The following DDX23 variants were observed in gnomAD, a reference collection of about 807,000 sequenced individuals.
DDX23 encodes the protein DEAD-box helicase 23.
A neutral mutation model predicts 102.7 loss-of-function variants in DDX23; 33 were observed. The observed-to-expected ratio is 0.32, with a 90% CI of 0.24 to 0.43. DDX23 has a LOEUF of 0.43. Among genes scored for constraint, DDX23 ranks in the 20% least tolerant of loss-of-function variants. The pLI, the probability that DDX23 is intolerant of heterozygous loss-of-function variation, is 1.00. For missense variants in DDX23, 549 were observed against 1,086.6 expected (o/e 0.51, Z 6.96); for synonymous variants, 352 against 376.0 (o/e 0.94, Z 0.74).
rs919650570 is a variant in DDX23 at position 48,832,309 on chromosome 12, C to T, written c.1955+113G>A. The T allele has an allele frequency of 1.3e-6, 2 of 1,553,028 alleles. No homozygotes were observed. The highest frequency in any genetic ancestry group is 1.4e-5 in the African/African-American group (1 of 73,534). On this transcript the variant is annotated intron_variant, in intron 14 of 16. Coordinates refer to ENST00000308025, the MANE Select transcript of DDX23 (RefSeq NM_004818.3). This position sits in a 1 kb window ranked among gnomAD's most constrained non-coding sequence, Gnocchi z 4.4. ...GCCCATGACATTCTGCCCAAGAAAA[C>T]AGCAGCTCTTCAACACAGCAGAGCA...
intron 2 of DDX23, 29 bp downstream of exon 2, chr12:48,845,545 C>T (rs1224117621): frequency 6.2e-7 from 1 of 1,612,676 alleles, no homozygotes; most frequent in South Asian, 1.1e-5. Flanking sequence ...CTCTCCCTTC[C>T]CATGTAATAA....
rs1481205562 is a variant in DDX23 at position 48,830,285 on chromosome 12, T to C, written c.*184A>G. 4 of 758,104 alleles carry C rather than the reference T, an allele frequency of 5.3e-6. No homozygotes were observed. The highest frequency in any genetic ancestry group is 9.2e-6 in the Non-Finnish European group (4 of 435,444). The allele number at this position is 758,104 out of a possible 1,614,324, so 47.0% of individuals were successfully genotyped here. The stretch of plus-strand genomic sequence containing the variant: ...GCTCTCCCTGCCTCCGACAGCGTCG[T>C]CCTCTCCTTTTGCAGCCCCACACGC... On this transcript the variant is annotated 3_prime_UTR_variant, in exon 17 of 17. Transcript: ENST00000308025. The surrounding 1 kb of genome is among the most constrained non-coding windows in gnomAD (Gnocchi z 4.9).
chr12:48,837,914 A>G (rs368333111), intron 6 of DDX23, 28 bp downstream of exon 6: 2 of 1,611,818 alleles, frequency 1.2e-6, no homozygotes, highest in Non-Finnish European at 1.7e-6. Flanking sequence ...TCTTCCATCT[A>G]GGGGCTACAC....
chr12:48,831,137 C>T lies in DDX23; in HGVS notation c.2239+5G>A. Reference sequence around the variant, plus strand: ...TGGATTGAAGCTGCTTTCCCTGGAACTTACCTTCAATATTTTTGGCCATAT... The same window carrying T: ...TGGATTGAAGCTGCTTTCCCTGGAATTTACCTTCAATATTTTTGGCCATAT... On this transcript the variant is annotated splice_donor_5th_base_variant and intron_variant, in intron 16 of 16. Transcript: ENST00000308025. 1 of 1,614,038 alleles carries T rather than the reference C, an allele frequency of 6.2e-7. No individual in the cohort carries two copies. Among genetic ancestry groups the T allele is most frequent in the Non-Finnish European group, 8.5e-7 (1 of 1,179,882 alleles).
chr12:48,850,775 A>G (rs1938743698), intron 1 of DDX23, among the ~76,000 whole-genome samples: 1 of 152,172 alleles, frequency 6.6e-6, no homozygotes, highest in Non-Finnish European at 1.5e-5. Flanking sequence ...ACCGAAGTGG[A>G]GAGGGAATAA....
At chr12:48,837,910 A>C (rs778983483) in intron 6 of DDX23, 32 bp downstream of exon 6, 1 of 1,611,792 alleles carries the variant, frequency 6.2e-7, no homozygotes, top group Admixed American at 1.7e-5. Context: ...TTCCTCTTCC[A>C]TCTAGGGGCT....
At chr12:48,850,266 G>A (rs762881178) in intron 1 of DDX23, among the ~76,000 whole-genome samples, 1 of 152,188 alleles carries the variant, frequency 6.6e-6, no homozygotes, top group Non-Finnish European at 1.5e-5. Flanking sequence ...ACTTACTAAG[G>A]AAGAAGCAGA....
rs1382677568 is a variant in DDX23, at chr12:48,830,227, G to A, written c.*242C>T. 4 of 639,440 alleles carry A rather than the reference G, an allele frequency of 6.3e-6. No homozygotes were observed. The highest frequency in any genetic ancestry group is 6.0e-5 in the South Asian group (4 of 66,244). 39.6% of individuals were successfully genotyped at this position (639,440 alleles called of 1,614,324 possible). The stretch of plus-strand genomic sequence containing the variant: ...CCCAGTGCAATCCCAAAGCAAAGAA[G>A]GGCAGAACTGGGCCAAGAAGCTGTG... On this transcript the variant is annotated 3_prime_UTR_variant, in exon 17 of 17. Transcript: ENST00000308025. The surrounding 1 kb of genome is among the most constrained non-coding windows in gnomAD (Gnocchi z 4.9).
chr12:48,833,615 C>G, intron 12 of DDX23, 96 bp from the exon 13 acceptor site: 1 of 1,474,688 alleles, frequency 6.8e-7, no homozygotes, highest in Non-Finnish European at 9.1e-7. Flanking sequence ...ACCTCCAATG[C>G]TGAGGAACTT....
In DDX23 at chr12:48,836,923, C is replaced by T. The variant is rs1274959104; in HGVS notation, c.981G>A (p.Arg327=). 5 of 1,613,874 alleles carry T rather than the reference C, an allele frequency of 3.1e-6. No individual in the cohort carries two copies. The highest frequency in any genetic ancestry group is 1.6e-4 in the Middle Eastern group (1 of 6,062). The change falls in exon 9 of 17, where the codon AGG becomes AGA. Residue 327 remains arginine, a synonymous_variant. Coordinates refer to ENST00000308025, the MANE Select transcript of DDX23 (RefSeq NM_004818.3). This position sits in a 1 kb window ranked among gnomAD's most constrained non-coding sequence, Gnocchi z 6.1. ...SRFYGDLMEK[R]RTLEEKEQEE... ...CCTGCTCCTTTTCTTCCAGGGTTCG[C>T]CTCTTCTCCATTAGGTCTCCATAGA...
In DDX23 at chr12:48,836,355, C is replaced by T; in HGVS notation, c.1237-89G>A. ...ATAGTAGTAAGCACATCTGCTAGCA[C>T]AATGGAAGGATGCCAAGTACAGTTC... On this transcript the variant is annotated intron_variant, in intron 10 of 16. Coordinates refer to ENST00000308025, the MANE Select transcript of DDX23 (RefSeq NM_004818.3). This position sits in a 1 kb window ranked among gnomAD's most constrained non-coding sequence, Gnocchi z 6.1. The T allele has an allele frequency of 6.8e-7, 1 of 1,480,626 alleles. No individual in the cohort carries two copies. Among genetic ancestry groups the T allele is most frequent in the Non-Finnish European group, 9.4e-7 (1 of 1,069,434 alleles). 91.7% of individuals were successfully genotyped at this position (1,480,626 alleles called of 1,614,324 possible). A position where few individuals can be genotyped will look rare whatever the true frequency, so the allele number is the denominator to read the frequency against.
Position 48,832,323 on chromosome 12 carries a change from C to A in DDX23, c.1955+99G>T. 1 of 1,554,644 alleles carries A rather than the reference C, an allele frequency of 6.4e-7. No homozygotes were observed. Among genetic ancestry groups the A allele is most frequent in the Non-Finnish European group, 8.8e-7 (1 of 1,138,008 alleles). On this transcript the variant is annotated intron_variant, in intron 14 of 16. Coordinates refer to ENST00000308025, the MANE Select transcript of DDX23 (RefSeq NM_004818.3). This position sits in a 1 kb window ranked among gnomAD's most constrained non-coding sequence, Gnocchi z 4.4. Reference sequence around the variant, plus strand: ...GCCCAAGAAAACAGCAGCTCTTCAACACAGCAGAGCAATTGCCCTGCCCTG... The same window carrying A: ...GCCCAAGAAAACAGCAGCTCTTCAAAACAGCAGAGCAATTGCCCTGCCCTG...
chr12:48,846,666 C>T (rs1938673144), intron 1 of DDX23, among the ~76,000 whole-genome samples: 2 of 152,204 alleles, frequency 1.3e-5, no homozygotes, highest in South Asian at 4.1e-4. Context: ...CCTCTATACA[C>T]ATTTTTTAAC....
intron 1 of DDX23, among the ~76,000 whole-genome samples, chr12:48,848,853 G>C (rs904694990): frequency 3.3e-5 from 5 of 151,410 alleles, no homozygotes; most frequent in Non-Finnish European, 7.4e-5. Context: ...CCAGGTTCAA[G>C]TGATTCTCCT....
intron 3 of DDX23, among the ~76,000 whole-genome samples, chr12:48,843,679 G>C (rs1400257103): frequency 6.6e-6 from 1 of 151,250 alleles, no homozygotes; most frequent in Non-Finnish European, 1.5e-5. Context: ...CTCCTGAGTA[G>C]CTGGGACTAC....
In DDX23 at chr12:48,832,535, C is replaced by T. The variant is rs2270580; in HGVS notation, c.1842G>A (p.Glu614=). 477 of 1,614,190 alleles carry T rather than the reference C, an allele frequency of 3.0e-4. 4 individuals are homozygous for T. The East Asian group carries it at 0.01, about 34-fold the overall frequency. Residue 614 remains glutamate, a synonymous_variant, in exon 14 of 17, where the codon GAG becomes GAA. Coordinates refer to ENST00000308025, the MANE Select transcript of DDX23 (RefSeq NM_004818.3). This position sits in a 1 kb window ranked among gnomAD's most constrained non-coding sequence, Gnocchi z 4.4. ...MFTATMPPAV[E]RLARSYLRRP... Reference sequence around the variant, plus strand: ...GCCGAAGATAGCTCCTGGCCAGACGCTCCACCGCTGGGGGCATGGTGGCCG... The same window carrying T: ...GCCGAAGATAGCTCCTGGCCAGACGTTCCACCGCTGGGGGCATGGTGGCCG...
At chr12:48,845,036 C>T (rs1938640983) in intron 2 of DDX23, among the ~76,000 whole-genome samples, 2 of 151,668 alleles carry the variant, frequency 1.3e-5, no homozygotes, top group South Asian at 4.2e-4. Flanking sequence ...CCTGTAATCC[C>T]AGCTATTCGG....
intron 3 of DDX23, among the ~76,000 whole-genome samples, chr12:48,841,295 A>G (rs1938546869): frequency 6.6e-6 from 1 of 152,204 alleles, no homozygotes; most frequent in Admixed American, 6.5e-5. Flanking sequence ...CTGAGGCAGG[A>G]AAATTGCCTG....
rs1938471060 is a variant in DDX23, at chr12:48,836,674, G to A, written c.1131C>T (p.Tyr377=). 6.2e-6 allele frequency: 10 copies of A among 1,614,206 alleles called. No homozygotes were observed. Among genetic ancestry groups the A allele is most frequent in the Admixed American group, 3.3e-5 (2 of 60,028 alleles). Residue 377 remains tyrosine (Y), a synonymous_variant, in exon 10 of 17, where the codon TAC becomes TAT. Coordinates refer to ENST00000308025, the MANE Select transcript of DDX23 (RefSeq NM_004818.3). The surrounding 1 kb of genome is among the most constrained non-coding windows in gnomAD (Gnocchi z 6.1). ...TCTTGCCACCTTTGGTGGTGATGCT[G>A]TAGTCCTCACGGAAGATCCGCCAGT... is the stretch of plus-strand genomic sequence containing the variant. The part of the protein sequence containing the change: ...DRDWRIFRED[Y]SITTKGGKIP...
Sources: gnomAD v4.1 joint callset for allele counts (sites outside exome capture counted in the v4.1 genomes callset) on GRCh38, gnomAD v4.1.1 for gene constraint, Gnocchi (gnomAD v3.1) non-coding constraint, MANE v1.5 for transcripts, NCBI Gene and HGNC (gene_info 2026-07-23, HGNC 2026-07-21) for gene names.